The following DCC variants were observed in gnomAD, a reference collection of about 807,000 sequenced individuals.
DCC encodes DCC netrin 1 receptor, also known as netrin receptor DCC.
A neutral mutation model predicts 172.5 loss-of-function variants in DCC; 58 were observed. The ratio of observed to expected loss-of-function variants is 0.34; its 90% CI spans 0.27 to 0.42. DCC has a LOEUF of 0.42. Among genes scored for constraint, DCC ranks in the 10% least tolerant of loss-of-function variants. DCC has a pLI of 1.00. For missense variants in DCC, 1,740 were observed against 1,791.0 expected (o/e 0.97, Z 0.51); for synonymous variants, 709 against 644.5 (o/e 1.10, Z -1.52).
chr18:52,878,914 C>A (rs1178481945), intron 2 of DCC, among the ~76,000 whole-genome samples: 1 of 152,170 alleles, frequency 6.6e-6, no homozygotes, highest in South Asian at 2.1e-4. Context: ...GGGTGTAGAA[C>A]TTCTAAAACA....
rs1347324344 is a variant in DCC at position 53,179,668 on chromosome 18, T to TC, written c.1573+553dup. Among the ~76,000 whole-genome samples the TC allele has an allele frequency of 8.5e-5, 13 of 152,348 alleles. No individual in the cohort carries two copies. In the East Asian group the frequency reaches 1.9e-3, roughly 23 times the overall value. ...CACTAGATTCAGCTATGTTTTTTTT[T>TC]CACAAAGTAGAGCAGCTGAATGTTC... On this transcript the variant is annotated intron_variant, in intron 9 of 28. Transcript: ENST00000442544.
chr18:53,496,437 G>C (rs1017957427), intron 26 of DCC, among the ~76,000 whole-genome samples: 1 of 140,360 alleles, frequency 7.1e-6, no homozygotes, highest in East Asian at 2.1e-4. Flanking sequence ...TGTCCACGAA[G>C]AGACTCCATC....
intron 5 of DCC, among the ~76,000 whole-genome samples, chr18:53,001,167 C>T (rs552666789): frequency 1.3e-5 from 2 of 152,030 alleles, no homozygotes; most frequent in Admixed American, 6.6e-5. Flanking sequence ...ATTAATCACG[C>T]TTTTATCCCT....
chr18:53,525,781 AC>A (rs2144614163), intron 27 of DCC, among the ~76,000 whole-genome samples: 1 of 152,240 alleles, frequency 6.6e-6, no homozygotes, highest in African/African-American at 2.4e-5. Context: ...TTTCTCTAAT[AC>A]CTTTTCTGCT....
At chr18:53,421,112 A>G (rs1418696218) in intron 21 of DCC, among the ~76,000 whole-genome samples, 1 of 152,180 alleles carries the variant, frequency 6.6e-6, no homozygotes, top group Non-Finnish European at 1.5e-5. Flanking sequence ...CTGAAACATG[A>G]CTGCTTCTTA....
At chr18:52,544,602 T>C (rs2032559969) in intron 1 of DCC, among the ~76,000 whole-genome samples, 1 of 152,162 alleles carries the variant, frequency 6.6e-6, no homozygotes, top group African/African-American at 2.4e-5. Flanking sequence ...GTTCTTGCTC[T>C]CCTCTGCTAT....
chr18:52,606,547 G>C (rs2034134918), intron 1 of DCC, among the ~76,000 whole-genome samples: 1 of 152,074 alleles, frequency 6.6e-6, no homozygotes, highest in Non-Finnish European at 1.5e-5. Context: ...AACATGAAGG[G>C]ATATTTGATG....
At chr18:52,780,159 C>T (rs183630099) in intron 2 of DCC, among the ~76,000 whole-genome samples, 8,027 of 152,074 alleles carry the variant, frequency 0.053, 284 homozygotes, top group South Asian at 0.16. Context: ...TTTTGCCTGA[C>T]TCTTTACATA....
chr18:53,177,600 C>G (rs1262803978), intron 8 of DCC, among the ~76,000 whole-genome samples: 4 of 152,138 alleles, frequency 2.6e-5, no homozygotes, highest in African/African-American at 9.7e-5. Context: ...TCCATCATCA[C>G]CCATATGGCT....
At chr18:52,949,379 C>T (rs1345236724) in intron 5 of DCC, among the ~76,000 whole-genome samples, 2 of 152,162 alleles carry the variant, frequency 1.3e-5, no homozygotes, top group African/African-American at 4.8e-5. Flanking sequence ...AAAGGCTCTT[C>T]CTCCTTCCCC....
intron 7 of DCC, among the ~76,000 whole-genome samples, chr18:53,154,302 A>G (rs1435618291): frequency 1.3e-5 from 2 of 152,058 alleles, no homozygotes; most frequent in African/African-American, 2.4e-5. Flanking sequence ...TCACTTCCTG[A>G]TTCTCTGCAG....
intron 1 of DCC, among the ~76,000 whole-genome samples, chr18:52,480,141 C>A (rs544124978): frequency 2.6e-4 from 40 of 152,256 alleles, no homozygotes; most frequent in Admixed American, 1.6e-3. Flanking sequence ...TAGCTTAAAT[C>A]TAAAGGACTT....
intron 1 of DCC, among the ~76,000 whole-genome samples, chr18:52,699,288 C>A (rs1395762583): frequency 1.3e-5 from 2 of 152,148 alleles, no homozygotes; most frequent in Non-Finnish European, 2.9e-5. Flanking sequence ...TGAGACCCTG[C>A]TCCTCAACCA....
chr18:53,125,933 T>C (rs2043549568), intron 7 of DCC, among the ~76,000 whole-genome samples: 2 of 152,152 alleles, frequency 1.3e-5, no homozygotes, highest in African/African-American at 2.4e-5. Flanking sequence ...CATGTGCTGA[T>C]GTAGGAAGAC....
chr18:53,243,841 T>G (rs771686846), intron 12 of DCC, among the ~76,000 whole-genome samples: 6 of 152,114 alleles, frequency 3.9e-5, no homozygotes, highest in Non-Finnish European at 7.3e-5. Flanking sequence ...AACATAAAAG[T>G]CTTCTCTTTC....
chr18:53,293,608 TC>T (rs2057031384), intron 12 of DCC, among the ~76,000 whole-genome samples: 1 of 152,114 alleles, frequency 6.6e-6, no homozygotes, highest in African/African-American at 2.4e-5. Flanking sequence ...ATTTTTCTGT[TC>T]CTCTCCCTCC....
At chr18:53,060,319 G>C (rs757883044) in intron 5 of DCC, among the ~76,000 whole-genome samples, 1 of 151,978 alleles carries the variant, frequency 6.6e-6, no homozygotes, top group African/African-American at 2.4e-5. Context: ...CACAGTACCT[G>C]GTTAGACTTA....
intron 2 of DCC, among the ~76,000 whole-genome samples, chr18:52,808,228 T>G (rs2038124543): frequency 6.6e-6 from 1 of 152,146 alleles, no homozygotes; most frequent in Admixed American, 6.5e-5. Flanking sequence ...GTCTAAAAGG[T>G]CTTGTTCTGG....
intron 1 of DCC, among the ~76,000 whole-genome samples, chr18:52,614,711 A>G (rs2034345422): frequency 1.3e-5 from 2 of 152,196 alleles, no homozygotes; most frequent in African/African-American, 4.8e-5. Context: ...CAAGACCAGA[A>G]AGATAGTCCC....
Sources: gnomAD v4.1 joint callset for allele counts (sites outside exome capture counted in the v4.1 genomes callset) on GRCh38, gnomAD v4.1.1 for gene constraint, MANE v1.5 for transcripts, NCBI Gene and HGNC (gene_info 2026-07-23, HGNC 2026-07-21) for gene names.